CLEC16A: variants seen among roughly 807,000 people sequenced by gnomAD.
CLEC16A encodes the protein protein CLEC16A.
CLEC16A carries 51 observed loss-of-function variants against 109.5 expected under a neutral mutation model. The ratio of observed to expected loss-of-function variants is 0.47; its 90% CI spans 0.37 to 0.59. CLEC16A has a LOEUF of 0.59. Ranked by LOEUF, CLEC16A falls within the 20% of genes least tolerant of loss-of-function variation. The pLI, the probability that CLEC16A is intolerant of heterozygous loss-of-function variation, is 0.00. For synonymous variants in CLEC16A, 673 were observed against 564.2 expected, an observed-to-expected ratio of 1.19 and a Z score of -2.73; for missense variants, 1,339 against 1,394.0, an observed-to-expected ratio of 0.96 and a Z score of 0.63.
rs538026803 is a variant in CLEC16A at position 10,987,547 on chromosome 16, A to G, written c.1071+4556A>G. On this transcript the variant is annotated intron_variant, in intron 10 of 23. Coordinates refer to ENST00000409790, the MANE Select transcript of CLEC16A (RefSeq NM_015226.3). ...GGTGGACACCTGAACTGAAAATGAG[A>G]CTCTGTAGCGTGGAGGGAATTGCTA... is the stretch of plus-strand genomic sequence containing the variant. 5.3e-5 allele frequency among the ~76,000 whole-genome samples: 8 copies of G among 152,086 alleles called. 1 individual carries two copies. The South Asian group carries it at 1.7e-3, about 32-fold the overall frequency.
At chr16:11,042,450 C>T in intron 15 of CLEC16A, 87 bp downstream of exon 15, 1 of 1,068,944 alleles carries the variant, frequency 9.4e-7, no homozygotes, top group Non-Finnish European at 1.4e-6. Context: ...CAGATAGGAG[C>T]CCTGGCCCGT....
chr16:11,002,965 T>A, intron 10 of CLEC16A, 109 bp from the exon 11 acceptor site: 1 of 784,068 alleles, frequency 1.3e-6, no homozygotes, highest in Non-Finnish European at 2.0e-6. Context: ...GATATAATGG[T>A]TTCTTTTGGA....
At chr16:11,136,280 C>G (rs2053556200) in intron 22 of CLEC16A, 1 of 152,224 alleles carries the variant, frequency 6.6e-6, no homozygotes. Flanking sequence ...CTGAACTGTA[C>G]TCTTACTAAT....
At chr16:11,104,418 C>A (rs1372936463) in intron 19 of CLEC16A, among the ~76,000 whole-genome samples, 1 of 152,146 alleles carries the variant, frequency 6.6e-6, no homozygotes, top group Non-Finnish European at 1.5e-5. Context: ...TATGCCACCA[C>A]ACCCAGCATA....
At chr16:11,128,705 CA>C (rs1216636442) in intron 22 of CLEC16A, among the ~76,000 whole-genome samples, 8 of 152,284 alleles carry the variant, frequency 5.3e-5, no homozygotes, top group African/African-American at 1.7e-4. Context: ...AGGCTGCCCC[CA>C]CCCCCATCTC....
chr16:11,140,555 C>A (rs1447799334), intron 22 of CLEC16A, among the ~76,000 whole-genome samples: 1 of 152,188 alleles, frequency 6.6e-6, no homozygotes, highest in African/African-American at 2.4e-5. Flanking sequence ...CCTGCCCTCT[C>A]TCCACATCCA....
chr16:11,121,219 C>T (rs536475735), intron 20 of CLEC16A, among the ~76,000 whole-genome samples: 3 of 152,322 alleles, frequency 2.0e-5, no homozygotes, highest in South Asian at 2.1e-4. Flanking sequence ...CATTAGTACA[C>T]GCAGACTTCC....
chr16:11,050,183 T>C (rs563403414), intron 17 of CLEC16A, among the ~76,000 whole-genome samples: 20 of 152,318 alleles, frequency 1.3e-4, no homozygotes, highest in African/African-American at 4.6e-4. Context: ...CAGAACTCAC[T>C]CTTATAACAA....
rs1448221562 is a variant in CLEC16A at position 10,944,715 on chromosome 16, G to T, written c.-3G>T. 1 of 1,605,128 alleles carries T rather than the reference G, an allele frequency of 6.2e-7. No individual in the cohort carries two copies. Among genetic ancestry groups the T allele is most frequent in the Non-Finnish European group, 8.5e-7 (1 of 1,176,768 alleles). On this transcript the variant is annotated 5_prime_UTR_variant, in exon 1 of 24. Coordinates refer to ENST00000409790, the MANE Select transcript of CLEC16A (RefSeq NM_015226.3). ...AGACGAGAGACGGGTCGGGGCCGCC[G>T]ACATGTTTGGCCGCTCGCGGAGCTG...
intron 13 of CLEC16A, among the ~76,000 whole-genome samples, chr16:11,029,989 C>T (rs540207297): frequency 6.6e-6 from 1 of 152,270 alleles, no homozygotes; most frequent in South Asian, 2.1e-4. Context: ...GCAACATGTA[C>T]TCCTCTTCAT....
intron 22 of CLEC16A, among the ~76,000 whole-genome samples, chr16:11,154,544 A>G (rs1326294364): frequency 1.3e-5 from 2 of 152,200 alleles, no homozygotes; most frequent in Non-Finnish European, 2.9e-5. Flanking sequence ...TGTGAGGAAG[A>G]CTTTTGTTTT....
intron 19 of CLEC16A, among the ~76,000 whole-genome samples, chr16:11,079,597 T>G (rs1293126700): frequency 6.6e-6 from 1 of 152,210 alleles, no homozygotes; most frequent in African/African-American, 2.4e-5. Flanking sequence ...TCTTTTTGCA[T>G]TTATCTTTTT....
At chr16:11,024,615 T>G in intron 12 of CLEC16A, 1 of 499,768 alleles carries the variant, frequency 2.0e-6, no homozygotes. Context: ...TGTTCCTTGG[T>G]CAGGTTCCCC....
At chr16:11,075,781 A>G (rs1170961957) in intron 19 of CLEC16A, among the ~76,000 whole-genome samples, 1 of 151,696 alleles carries the variant, frequency 6.6e-6, no homozygotes, top group Admixed American at 6.6e-5. Flanking sequence ...GCTTGGGAGG[A>G]TGAGATGTCA....
At chr16:11,122,360 T>C (rs961142508) in intron 20 of CLEC16A, among the ~76,000 whole-genome samples, 3 of 152,276 alleles carry the variant, frequency 2.0e-5, no homozygotes, top group African/African-American at 4.8e-5. Context: ...TATGCTTATC[T>C]ATCTAGGCTT....
In CLEC16A at chr16:11,178,484, G is replaced by A; in HGVS notation, c.2956G>A (p.Ala986Thr). The A allele has an allele frequency of 6.2e-7, 1 of 1,613,630 alleles. No individual in the cohort carries two copies. Residue 986 changes from alanine (A) to threonine (T), a missense_variant, in exon 24 of 24, where the codon GCC (alanine) becomes ACC (threonine). Ala to Thr is a moderately conservative substitution (Grantham distance 58). Transcript: ENST00000409790. The surrounding 1 kb of genome is among the most constrained non-coding windows in gnomAD (Gnocchi z 6.5). Reference sequence around the variant, plus strand: ...CAGCCTGTCCCCCAGCCTCGTCCCTGCCCGGCAGCCCACCATTTCCCTGCT... The same window carrying A: ...CAGCCTGTCCCCCAGCCTCGTCCCTACCCGGCAGCCCACCATTTCCCTGCT... ...TASLSPSLVP[A>T]RQPTISLLCE... is the part of the protein sequence containing the mutation.
chr16:11,153,438 G>C (rs924926000), intron 22 of CLEC16A, among the ~76,000 whole-genome samples: 5 of 151,868 alleles, frequency 3.3e-5, no homozygotes, highest in African/African-American at 4.8e-5. Flanking sequence ...AATTTTCCCA[G>C]ATTTGCTTCT....
At chr16:11,009,800 A>G (rs1011061323) in intron 11 of CLEC16A, among the ~76,000 whole-genome samples, 1 of 152,222 alleles carries the variant, frequency 6.6e-6, no homozygotes, top group Non-Finnish European at 1.5e-5. Flanking sequence ...TTGAGGGTAC[A>G]TAAGTATTTC....
chr16:11,052,279 TC>T (rs1353563739), intron 18 of CLEC16A, among the ~76,000 whole-genome samples: 1 of 152,180 alleles, frequency 6.6e-6, no homozygotes, highest in Non-Finnish European at 1.5e-5. Flanking sequence ...CATCACCTTT[TC>T]CTAGAAAATC....
Sources: gnomAD v4.1 joint callset for allele counts (sites outside exome capture counted in the v4.1 genomes callset) on GRCh38, gnomAD v4.1.1 for gene constraint, Gnocchi (gnomAD v3.1) non-coding constraint, MANE v1.5 for transcripts, NCBI Gene and HGNC (gene_info 2026-07-23, HGNC 2026-07-21) for gene names.